STAM: variants seen among roughly 807,000 people sequenced by gnomAD.
The protein encoded by STAM is signal transducing adaptor molecule.
Under a neutral mutation model 63.4 loss-of-function variants are expected in STAM, and 16 were observed. The ratio of observed to expected loss-of-function variants is 0.25; its 90% CI spans 0.17 to 0.38. The LOEUF (loss-of-function observed/expected upper bound fraction) is 0.38, where lower values mean the gene tolerates loss of function less well. STAM is among the 10% of genes least tolerant of loss of function. The probability of loss-of-function intolerance (pLI) is 1.00; values close to 1 mark genes in which losing one functional copy is unlikely to be tolerated. For synonymous variants in STAM, 238 were observed against 223.9 expected (o/e 1.06, Z -0.56); for missense variants, 636 against 657.1 (o/e 0.97, Z 0.35).
At chr10:17,689,412 C>T (rs1225075360) in intron 5 of STAM, among the ~76,000 whole-genome samples, 1 of 152,132 alleles carries the variant, frequency 6.6e-6, no homozygotes. Context: ...TATCTGAGCA[C>T]TCTTGAGATG....
chr10:17,685,338 G>A (rs936728497), intron 4 of STAM, among the ~76,000 whole-genome samples: 4 of 152,064 alleles, frequency 2.6e-5, no homozygotes, highest in Admixed American at 2.0e-4. Context: ...CTGCTTCCTG[G>A]CCATCACAGG....
intron 2 of STAM, among the ~76,000 whole-genome samples, chr10:17,675,718 A>G (rs1834826238): frequency 6.6e-6 from 1 of 152,224 alleles, no homozygotes; most frequent in Non-Finnish European, 1.5e-5. Flanking sequence ...AAAGCCTTGC[A>G]TAATGCTTGT....
At chr10:17,653,129 A>G (rs1554821715) in intron 1 of STAM, among the ~76,000 whole-genome samples, 2 of 152,192 alleles carry the variant, frequency 1.3e-5, no homozygotes, top group African/African-American at 4.8e-5. Context: ...GCTTTGAGTC[A>G]TAGGACCTCC....
chr10:17,683,856 C>T (rs2688790), intron 2 of STAM, among the ~76,000 whole-genome samples: 87,376 of 152,016 alleles, frequency 0.57, 25,411 homozygotes, highest in African/African-American at 0.64. Flanking sequence ...ATGCTTAGTA[C>T]TTTGAATTTT....
chr10:17,704,644 G>C, intron 10 of STAM, 126 bp downstream of exon 10: 1 of 823,692 alleles, frequency 1.2e-6, no homozygotes, highest in East Asian at 2.6e-5. Flanking sequence ...CTTGACCCAG[G>C]CTCACTCTCA....
intron 6 of STAM, among the ~76,000 whole-genome samples, chr10:17,693,919 T>C (rs1554827121): frequency 6.6e-6 from 1 of 152,204 alleles, no homozygotes; most frequent in Non-Finnish European, 1.5e-5. Context: ...TGGCAGTGTA[T>C]GAAAGCTATT....
chr10:17,714,429 G>C, intron 13 of STAM, 114 bp from the exon 14 acceptor site: 1 of 998,816 alleles, frequency 1.0e-6, no homozygotes, highest in African/African-American at 1.6e-5. Flanking sequence ...TTAGTAAAAG[G>C]TTATTAAATG....
intron 12 of STAM, among the ~76,000 whole-genome samples, chr10:17,706,893 C>T (rs1836310059): frequency 6.6e-6 from 1 of 151,060 alleles, no homozygotes; most frequent in African/African-American, 2.4e-5. Flanking sequence ...AACTTAAATG[C>T]AGTGAAAAAA....
At chr10:17,679,887 G>T (rs1324544315) in intron 2 of STAM, among the ~76,000 whole-genome samples, 2 of 151,708 alleles carry the variant, frequency 1.3e-5, no homozygotes, top group Non-Finnish European at 2.9e-5. Context: ...TGTTCATAGG[G>T]TCTTTTAAAA....
At position 17,714,405 on chromosome 10, in the gene STAM, C is replaced by T. The variant is rs143687586; in HGVS notation, c.1386-138C>T. On this transcript the variant is annotated intron_variant, in intron 13 of 13. Coordinates refer to ENST00000377524, the MANE Select transcript of STAM (RefSeq NM_003473.4). Reference sequence around the variant, plus strand: ...CAAAGCCTAAAATAACAATGTTTGGCACATTATAGCTGTTTAGTAAAAGGT... The same window carrying T: ...CAAAGCCTAAAATAACAATGTTTGGTACATTATAGCTGTTTAGTAAAAGGT... 1.3e-3 allele frequency: 1,008 copies of T among 785,502 alleles called. 6 individuals are homozygous for T. In the African/African-American group the frequency reaches 0.016, roughly 12 times the overall value. 48.7% of individuals were successfully genotyped at this position (785,502 alleles called of 1,614,324 possible).
intron 5 of STAM, among the ~76,000 whole-genome samples, chr10:17,689,726 A>G (rs1407129078): frequency 6.6e-6 from 1 of 152,176 alleles, no homozygotes. Context: ...AAGCCCACTA[A>G]ATATCTAGAG....
rs1835230244 is a variant in STAM, at chr10:17,684,850, T to C, written c.220T>C (p.Ser74Pro). ...QALTLLGACV[S>P]NCGKIFHLEV... ...CTTTTAGCTTCTAGGAGCATGTGTA[T>C]CAAACTGTGGCAAAATTTTTCATTT... is the stretch of plus-strand genomic sequence containing the variant. Residue 74 changes from serine (S) to proline (P), a missense_variant, in exon 4 of 14, where the codon TCA becomes CCA. Ser to Pro is a moderately conservative substitution (Grantham distance 74). Coordinates refer to ENST00000377524, the MANE Select transcript of STAM (RefSeq NM_003473.4). 2 of 1,613,960 alleles carry C rather than the reference T, an allele frequency of 1.2e-6. No individual in the cohort carries two copies. Among genetic ancestry groups the C allele is most frequent in the African/African-American group, 1.3e-5 (1 of 74,934 alleles).
chr10:17,668,533 A>G (rs1834494072), intron 2 of STAM, among the ~76,000 whole-genome samples: 1 of 152,182 alleles, frequency 6.6e-6, no homozygotes, highest in South Asian at 2.1e-4. Context: ...TGTGTCTACC[A>G]TTGTGTAATG....
intron 5 of STAM, among the ~76,000 whole-genome samples, chr10:17,689,624 CATT>C (rs1185338368): frequency 1.3e-5 from 2 of 152,120 alleles, no homozygotes; most frequent in African/African-American, 4.8e-5. Context: ...TAATCCAAGA[CATT>C]ATACATTCCT....
Position 17,648,558 on chromosome 10 carries a change from A to G in STAM, c.40+4179A>G, listed in dbSNP as rs150823658. 7.9e-4 allele frequency among the ~76,000 whole-genome samples: 120 copies of G among 152,244 alleles called. 3 individuals are homozygous for G. The East Asian group carries it at 0.021, about 26-fold the overall frequency. Reference sequence around the variant, plus strand: ...TTTAAGAGCTGTAACACTCACCACAAAGGTCCGTGGCTTCATTCTTGACGT... The same window carrying G: ...TTTAAGAGCTGTAACACTCACCACAGAGGTCCGTGGCTTCATTCTTGACGT... On this transcript the variant is annotated intron_variant, in intron 1 of 13. Coordinates refer to ENST00000377524, the MANE Select transcript of STAM (RefSeq NM_003473.4).
At chr10:17,699,185 A>G (rs1428584783) in intron 8 of STAM, among the ~76,000 whole-genome samples, 2 of 152,198 alleles carry the variant, frequency 1.3e-5, no homozygotes, top group South Asian at 2.1e-4. Context: ...CTCTTTTACA[A>G]AAGTTTTTAA....
At chr10:17,712,732 T>A (rs529529110) in intron 13 of STAM, among the ~76,000 whole-genome samples, 2 of 152,336 alleles carry the variant, frequency 1.3e-5, no homozygotes, top group South Asian at 4.1e-4. Flanking sequence ...AACGCATGTA[T>A]TCCGTTGGAA....
In STAM at chr10:17,715,417, A is replaced by G. The variant is rs1554830766; in HGVS notation, c.*637A>G. ...TATATATATATGTGTGTGTATATATATATATCTACATGTCTTTCTGTAGCC... is the reference window on the plus strand; with the variant it reads ...TATATATATATGTGTGTGTATATATGTATATCTACATGTCTTTCTGTAGCC... On this transcript the variant is annotated 3_prime_UTR_variant, in exon 14 of 14. Coordinates refer to ENST00000377524, the MANE Select transcript of STAM (RefSeq NM_003473.4). The G allele has an allele frequency of 6.5e-6, 1 of 153,030 alleles. No individual in the cohort carries two copies. Among genetic ancestry groups the G allele is most frequent in the Non-Finnish European group, 1.5e-5 (1 of 68,604 alleles). 9.5% of individuals were successfully genotyped at this position (153,030 alleles called of 1,614,324 possible).
chr10:17,648,552 A>AC (rs1243704449), intron 1 of STAM, among the ~76,000 whole-genome samples: 1 of 152,102 alleles, frequency 6.6e-6, no homozygotes, highest in Non-Finnish European at 1.5e-5. Context: ...TGTAACACTC[A>AC]CCACAAAGGT....
Sources: allele counts gnomAD v4.1 joint callset (sites outside exome capture counted in the v4.1 genomes callset), GRCh38; gene constraint gnomAD v4.1.1; transcripts MANE v1.5; gene names NCBI Gene and HGNC (gene_info 2026-07-23, HGNC 2026-07-21).